The following CTXND1 variants were observed in gnomAD, a reference collection of about 807,000 sequenced individuals.
CTXND1 encodes cortexin domain-containing 1 protein.
Position 80,244,994 on chromosome 15 carries a change from T to C in CTXND1, c.-218+7013A>G, listed in dbSNP as rs556739967. Among the ~76,000 whole-genome samples the C allele has an allele frequency of 1.9e-4, 29 of 152,264 alleles. No individual in the cohort carries two copies. The East Asian group carries it at 5.2e-3, about 27-fold the overall frequency. On this transcript the variant is annotated intron_variant, in intron 1 of 2. Coordinates refer to ENST00000560778, the MANE Select transcript of CTXND1 (RefSeq NM_001352888.2). The stretch of plus-strand genomic sequence containing the variant: ...TATCAGCAACATGACTTGGGTGAAT[T>C]CATTCACCAATTTGTGCCTTGGACT...
rs965931122 is a variant in CTXND1, at chr15:80,196,136, G to A, written c.*5634C>T. On this transcript the variant is annotated 3_prime_UTR_variant, in exon 3 of 3. Transcript: ENST00000560778. ...CTTGTCCTCATTCTGTAAGCCTGAGGTGGGGGCATGAAATTAGATTTCTAA... is the reference window on the plus strand; with the variant it reads ...CTTGTCCTCATTCTGTAAGCCTGAGATGGGGGCATGAAATTAGATTTCTAA... 1 of 152,180 alleles carries A rather than the reference G, an allele frequency of 6.6e-6. No individual in the cohort carries two copies. The highest frequency in any genetic ancestry group is 6.5e-5 in the Admixed American group (1 of 15,278). The allele number at this position is 152,180 out of a possible 1,614,324, so 9.4% of individuals were successfully genotyped here.
intron 1 of CTXND1, among the ~76,000 whole-genome samples, chr15:80,239,172 C>A (rs773662808): frequency 2.0e-5 from 3 of 152,200 alleles, no homozygotes; most frequent in Non-Finnish European, 4.4e-5. Context: ...GAAGCCCTTC[C>A]CACCAGCTCT....
intron 1 of CTXND1, among the ~76,000 whole-genome samples, chr15:80,245,604 G>A (rs995594556): frequency 5.3e-5 from 8 of 152,062 alleles, no homozygotes; most frequent in African/African-American, 1.9e-4. Flanking sequence ...TTTATACATT[G>A]AGGCAGCCAC....
chr15:80,196,800 T>G lies in CTXND1; in HGVS notation c.*4970A>C, dbSNP rs1387476297. 1 of 152,372 alleles carries G rather than the reference T, an allele frequency of 6.6e-6. No homozygotes were observed. Among genetic ancestry groups the G allele is most frequent in the African/African-American group, 2.4e-5 (1 of 41,562 alleles). 9.4% of individuals were successfully genotyped at this position (152,372 alleles called of 1,614,324 possible). On this transcript the variant is annotated 3_prime_UTR_variant, in exon 3 of 3. Coordinates refer to ENST00000560778, the MANE Select transcript of CTXND1 (RefSeq NM_001352888.2). Reference sequence around the variant, plus strand: ...GGGTCCCCTGACCTTTAGCTTCTGTTGTTTTTGGCCAATGGAAGACCCAGA... The same window carrying G: ...GGGTCCCCTGACCTTTAGCTTCTGTGGTTTTTGGCCAATGGAAGACCCAGA...
At chr15:80,247,923 C>A (rs1893651950) in intron 1 of CTXND1, among the ~76,000 whole-genome samples, 1 of 152,138 alleles carries the variant, frequency 6.6e-6, no homozygotes, top group Non-Finnish European at 1.5e-5. Flanking sequence ...TACTTGGGAG[C>A]TGAATCTATA....
intron 1 of CTXND1, among the ~76,000 whole-genome samples, chr15:80,237,336 G>GAAAAAAAAAAAAAAA (rs201997173): frequency 9.8e-6 from 1 of 101,580 alleles, no homozygotes; most frequent in African/African-American, 3.8e-5. Flanking sequence ...CAGTGTCTCA[G>GAAAAAAAAAAAAAAA]AAAAAAAAAA....
At chr15:80,230,213 A>T (rs1490989635) in intron 1 of CTXND1, among the ~76,000 whole-genome samples, 1 of 152,220 alleles carries the variant, frequency 6.6e-6, no homozygotes, top group Non-Finnish European at 1.5e-5. Context: ...GTGTAATCAT[A>T]CAGTGCATCT....
At chr15:80,212,416 T>C (rs1288229311) in intron 1 of CTXND1, among the ~76,000 whole-genome samples, 1 of 152,234 alleles carries the variant, frequency 6.6e-6, no homozygotes, top group Non-Finnish European at 1.5e-5. Flanking sequence ...TAGTATGTTT[T>C]GGATATTCAA....
intron 1 of CTXND1, among the ~76,000 whole-genome samples, chr15:80,236,031 T>G (rs2114713): frequency 0.49 from 70,859 of 143,400 alleles, 18,324 homozygotes; most frequent in East Asian, 0.85. Flanking sequence ...ATCCTGCAAG[T>G]TCAAACTCTT....
intron 2 of CTXND1, among the ~76,000 whole-genome samples, chr15:80,202,236 C>T (rs1893082111): frequency 6.6e-6 from 1 of 151,916 alleles, no homozygotes; most frequent in African/African-American, 2.4e-5. Flanking sequence ...AGGGTGCAGC[C>T]AGTGCCTCCC....
Position 80,249,546 on chromosome 15 carries a change from T to A in CTXND1, c.-218+2461A>T, listed in dbSNP as rs2141468051. 1.3e-5 allele frequency among the ~76,000 whole-genome samples: 2 copies of A among 152,358 alleles called. 1 individual carries two copies. The highest frequency in any genetic ancestry group is 4.1e-4 in the South Asian group (2 of 4,828). On this transcript the variant is annotated intron_variant, in intron 1 of 2. Coordinates refer to ENST00000560778, the MANE Select transcript of CTXND1 (RefSeq NM_001352888.2). ...AAATGCTTAGTATATACTAAGGGCT[T>A]AATAAATGGAACTGACTTTTAGTAA...
intron 1 of CTXND1, among the ~76,000 whole-genome samples, chr15:80,243,411 T>G (rs1396899222): frequency 6.6e-6 from 1 of 152,118 alleles, no homozygotes; most frequent in Non-Finnish European, 1.5e-5. Flanking sequence ...CCAAGAGCCC[T>G]AAAAGGGAAG....
At chr15:80,237,826 T>C (rs183417026) in intron 1 of CTXND1, among the ~76,000 whole-genome samples, 58 of 151,930 alleles carry the variant, frequency 3.8e-4, no homozygotes, top group Non-Finnish European at 7.4e-4. Flanking sequence ...CTGGCCAACA[T>C]GGCAAAATCC....
At position 80,249,811 on chromosome 15, in the gene CTXND1, T is replaced by C. The variant is rs138255435; in HGVS notation, c.-218+2196A>G. 3.9e-4 allele frequency among the ~76,000 whole-genome samples: 59 copies of C among 152,366 alleles called. No homozygotes were observed. The East Asian group carries it at 5.8e-3, about 15-fold the overall frequency. ...ATTGTAGAAAGCATGTAATGTGCTT[T>C]AGAAATATTTCCATCCCAAACAGTT... On this transcript the variant is annotated intron_variant, in intron 1 of 2. Transcript: ENST00000560778.
At chr15:80,218,179 A>G (rs908628832) in intron 1 of CTXND1, among the ~76,000 whole-genome samples, 1 of 151,884 alleles carries the variant, frequency 6.6e-6, no homozygotes, top group Non-Finnish European at 1.5e-5. Context: ...TCTGTCCTCC[A>G]GGCTGGAGTG....
At chr15:80,232,036 T>C (rs1893437627) in intron 1 of CTXND1, among the ~76,000 whole-genome samples, 1 of 152,088 alleles carries the variant, frequency 6.6e-6, no homozygotes, top group East Asian at 1.9e-4. Flanking sequence ...GCCATGGGGA[T>C]CAGCCATGGT....
At chr15:80,228,392 T>C (rs1893394909) in intron 1 of CTXND1, among the ~76,000 whole-genome samples, 2 of 152,194 alleles carry the variant, frequency 1.3e-5, no homozygotes, top group South Asian at 4.1e-4. Flanking sequence ...ATCAGAGGAA[T>C]CACAATCTAT....
intron 1 of CTXND1, among the ~76,000 whole-genome samples, chr15:80,248,156 C>G (rs1343747706): frequency 6.6e-6 from 1 of 152,214 alleles, no homozygotes; most frequent in Non-Finnish European, 1.5e-5. Context: ...AGACTACGCC[C>G]TCTCACATAC....
rs1230679314 is a variant in CTXND1 at position 80,201,819 on chromosome 15, T to C, written c.131A>G (p.Tyr44Cys). 2 of 398,712 alleles carry C rather than the reference T, an allele frequency of 5.0e-6. No individual in the cohort carries two copies. The highest frequency in any genetic ancestry group is 7.1e-5 in the East Asian group (2 of 28,088). 24.7% of individuals were successfully genotyped at this position (398,712 alleles called of 1,614,324 possible). A position where few individuals can be genotyped will look rare whatever the true frequency, so the allele number is the denominator to read the frequency against. The change falls in exon 3 of 3, where the codon TAC (tyrosine) becomes TGC (cysteine). Residue 44 changes from tyrosine (Y) to cysteine (C), a missense_variant. Coordinates refer to ENST00000560778, the MANE Select transcript of CTXND1 (RefSeq NM_001352888.2). ...CCAGGTGGATGTGGGGATGGCGCTG[T>C]AAGGGTCCATGATGACCTTGGCACA... ...IRCAKVIMDPYSAIPTSTWEE... is the reference protein window; with the variant it reads ...IRCAKVIMDPCSAIPTSTWEE...
Sources: gnomAD v4.1 joint callset for allele counts (sites outside exome capture counted in the v4.1 genomes callset) on GRCh38, gnomAD v4.1.1 for gene constraint, MANE v1.5 for transcripts, NCBI Gene and HGNC (gene_info 2026-07-23, HGNC 2026-07-21) for gene names.